Variants in CTNNA2 observed in about 807,000 individuals in gnomAD.
CTNNA2 encodes catenin alpha 2.
In CTNNA2, 42 loss-of-function variants were observed where a neutral mutation model predicts 101.0. The ratio of observed to expected loss-of-function variants is 0.42; its 90% CI spans 0.32 to 0.54. CTNNA2 has a LOEUF of 0.54. CTNNA2 is among the 20% of genes least tolerant of loss of function. CTNNA2 has a pLI of 0.14. For missense variants in CTNNA2, 871 were observed against 1,223.1 expected (o/e 0.71, Z 4.29); for synonymous variants, 450 against 456.4 (o/e 0.99, Z 0.18).
At chr2:79,195,436 G>A (rs1673946616) in intron 1 of CTNNA2, among the ~76,000 whole-genome samples, 1 of 152,084 alleles carries the variant, frequency 6.6e-6, no homozygotes, top group African/African-American at 2.4e-5. Context: ...CCAACCTAAA[G>A]CTTGTCTCTG....
chr2:80,472,119 C>CAA lies in CTNNA2; in HGVS notation c.1290+52529_1290+52530dup, dbSNP rs35151279. On this transcript the variant is annotated intron_variant, in intron 9 of 18. Transcript: ENST00000402739. ...TGGGTGACAGAGCGAGACTCCATCT[C>CAA]AAAAAAAAAAAAGGTTAGAAAATAT... Among the ~76,000 whole-genome samples the CAA allele has an allele frequency of 7.7e-3, 1,102 of 142,232 alleles. 10 individuals carry two copies. The highest frequency in any genetic ancestry group is 0.021 in the African/African-American group (810 of 39,294). The allele number at this position is 142,232 out of a possible 152,430, so 93.3% of individuals were successfully genotyped here.
At chr2:80,408,540 G>C (rs1679270231) in intron 8 of CTNNA2, among the ~76,000 whole-genome samples, 1 of 152,184 alleles carries the variant, frequency 6.6e-6, no homozygotes, top group Non-Finnish European at 1.5e-5. Context: ...CTAGGGTAAG[G>C]CTATTCTGTT....
At chr2:79,235,343 A>G (rs759706169) in intron 2 of CTNNA2, among the ~76,000 whole-genome samples, 5 of 149,882 alleles carry the variant, frequency 3.3e-5, no homozygotes, top group Non-Finnish European at 5.9e-5. Context: ...GGTGGTGCAT[A>G]ACGTTAGCTG....
intron 5 of CTNNA2, chr2:79,505,269 C>G (rs1402421365): frequency 1.3e-5 from 2 of 152,014 alleles, no homozygotes; most frequent in Non-Finnish European, 2.9e-5. Flanking sequence ...TTCATTTTTT[C>G]TTCTTCACTC....
intron 4 of CTNNA2, among the ~76,000 whole-genome samples, chr2:79,430,449 CA>C (rs1678647814): frequency 6.6e-6 from 1 of 152,010 alleles, no homozygotes; most frequent in South Asian, 2.1e-4. Flanking sequence ...TAAGAGCAGG[CA>C]AATGTAGCTA....
At chr2:80,529,579 T>C (rs1406186428) in intron 9 of CTNNA2, among the ~76,000 whole-genome samples, 1 of 152,174 alleles carries the variant, frequency 6.6e-6, no homozygotes, top group Non-Finnish European at 1.5e-5. Context: ...TGAAAAATAT[T>C]ATTGGTGTTC....
At chr2:79,940,521 GA>G (rs1450096089) in intron 7 of CTNNA2, among the ~76,000 whole-genome samples, 4 of 152,126 alleles carry the variant, frequency 2.6e-5, no homozygotes, top group African/African-American at 9.7e-5. Context: ...CTAGCAACCT[GA>G]AAAAAGCAAG....
At chr2:79,613,425 AC>A (rs1678419428) in intron 1 of CTNNA2, among the ~76,000 whole-genome samples, 1 of 151,722 alleles carries the variant, frequency 6.6e-6, no homozygotes, top group Admixed American at 6.6e-5. Context: ...GTCATCAAGA[AC>A]CTGTAATCCT....
intron 7 of CTNNA2, among the ~76,000 whole-genome samples, chr2:80,322,862 T>C (rs1363688372): frequency 6.6e-6 from 1 of 152,218 alleles, no homozygotes; most frequent in Non-Finnish European, 1.5e-5. Context: ...GCTGTTTCCC[T>C]AACCTGTGCC....
At chr2:79,970,963 G>A (rs537465877) in intron 7 of CTNNA2, among the ~76,000 whole-genome samples, 17 of 152,142 alleles carry the variant, frequency 1.1e-4, no homozygotes, top group African/African-American at 3.9e-4. Flanking sequence ...CTTATTCCTG[G>A]GTCCTATCAA....
At chr2:80,237,530 A>T (rs1434453907) in intron 7 of CTNNA2, among the ~76,000 whole-genome samples, 2 of 152,148 alleles carry the variant, frequency 1.3e-5, no homozygotes, top group Non-Finnish European at 2.9e-5. Flanking sequence ...CAATAGTAGT[A>T]GGAGAGGTAC....
chr2:79,681,311 A>G (rs1464208253), intron 2 of CTNNA2, among the ~76,000 whole-genome samples: 1 of 152,186 alleles, frequency 6.6e-6, no homozygotes, highest in African/African-American at 2.4e-5. Flanking sequence ...CTACTTTTGA[A>G]TAACCTTCTT....
intron 3 of CTNNA2, among the ~76,000 whole-genome samples, chr2:79,315,737 T>C (rs1022062710): frequency 6.6e-6 from 1 of 152,166 alleles, no homozygotes; most frequent in Non-Finnish European, 1.5e-5. Context: ...AGTTTTTGTA[T>C]GGACCTACGT....
chr2:79,568,040 A>G (rs573379844), intron 1 of CTNNA2, among the ~76,000 whole-genome samples: 1 of 152,206 alleles, frequency 6.6e-6, no homozygotes, highest in East Asian at 1.9e-4. Context: ...AACACTTATT[A>G]CAGTATTTCA....
chr2:80,260,713 G>A (rs1167384743), intron 7 of CTNNA2, among the ~76,000 whole-genome samples: 1 of 152,174 alleles, frequency 6.6e-6, no homozygotes, highest in Non-Finnish European at 1.5e-5. Flanking sequence ...AGCCAAGTTT[G>A]TAAAATAGCA....
intron 9 of CTNNA2, among the ~76,000 whole-genome samples, chr2:80,426,440 TCTC>T (rs1680999009): frequency 6.6e-6 from 1 of 152,076 alleles, no homozygotes; most frequent in African/African-American, 2.4e-5. Flanking sequence ...TGCTTTCCCT[TCTC>T]CTCCCATCTC....
intron 7 of CTNNA2, among the ~76,000 whole-genome samples, chr2:80,390,661 A>G (rs1235216267): frequency 6.6e-6 from 1 of 152,200 alleles, no homozygotes; most frequent in East Asian, 1.9e-4. Flanking sequence ...TTTAAAGAAT[A>G]AATATATCCG....
intron 14 of CTNNA2, among the ~76,000 whole-genome samples, chr2:80,587,475 G>A (rs1183878151): frequency 6.6e-6 from 1 of 152,030 alleles, no homozygotes; most frequent in African/African-American, 2.4e-5. Flanking sequence ...TATTTAATTT[G>A]CTGCCCACCA....
At chr2:79,474,210 G>T (rs1055683642) in intron 4 of CTNNA2, among the ~76,000 whole-genome samples, 1 of 152,138 alleles carries the variant, frequency 6.6e-6, no homozygotes, top group Admixed American at 6.5e-5. Flanking sequence ...GTTCATGCCA[G>T]CTTTATACGT....
Sources: gnomAD v4.1 joint callset for allele counts (sites outside exome capture counted in the v4.1 genomes callset) on GRCh38, gnomAD v4.1.1 for gene constraint, MANE v1.5 for transcripts, NCBI Gene and HGNC (gene_info 2026-07-23, HGNC 2026-07-21) for gene names.